SLCO5A1: variants seen among roughly 807,000 people sequenced by gnomAD.
The protein encoded by SLCO5A1 is solute carrier organic anion transporter family member 5A1, also known as organic anion transporter polypeptide-related protein 4.
SLCO5A1 carries 39 observed loss-of-function variants against 65.1 expected under a neutral mutation model. The ratio of observed to expected loss-of-function variants is 0.60; its 90% CI spans 0.46 to 0.78. SLCO5A1 has a LOEUF of 0.78. SLCO5A1 is among the 30% of genes least tolerant of loss of function. The probability of loss-of-function intolerance (pLI) is 0.00; values close to 1 mark genes in which losing one functional copy is unlikely to be tolerated. For synonymous variants in SLCO5A1, 438 were observed against 415.7 expected, an observed-to-expected ratio of 1.05 and a Z score of -0.65; for missense variants, 1,029 against 1,069.4, an observed-to-expected ratio of 0.96 and a Z score of 0.53.
In SLCO5A1 at chr8:69,832,903, G is replaced by T; in HGVS notation, c.-230C>A. On this transcript the variant is annotated 5_prime_UTR_variant, in exon 2 of 10. Coordinates refer to ENST00000260126, the MANE Select transcript of SLCO5A1 (RefSeq NM_030958.3). The surrounding 1 kb of genome is among the most constrained non-coding windows in gnomAD (Gnocchi z 4.5). ...GCAGCCGCGTGCCACAGGGGGCAGG[G>T]GTCCGCGCGGTACTGCGATGAGCCC... 1 of 583,086 alleles carries T rather than the reference G, an allele frequency of 1.7e-6. No individual in the cohort carries two copies. The highest frequency in any genetic ancestry group is 3.0e-6 in the Non-Finnish European group (1 of 332,822). The allele number at this position is 583,086 out of a possible 1,614,324, so 36.1% of individuals were successfully genotyped here.
intron 2 of SLCO5A1, among the ~76,000 whole-genome samples, chr8:69,782,758 C>T (rs777370066): frequency 6.6e-6 from 1 of 152,060 alleles, no homozygotes; most frequent in African/African-American, 2.4e-5. Flanking sequence ...AAGGTGTAGT[C>T]GTCTACAGTC....
chr8:69,825,914 A>G (rs1380333405), intron 2 of SLCO5A1, among the ~76,000 whole-genome samples: 4 of 152,222 alleles, frequency 2.6e-5, no homozygotes, highest in Non-Finnish European at 5.9e-5. Context: ...ACAGCATGGT[A>G]CTGGTACCAA....
intron 6 of SLCO5A1, among the ~76,000 whole-genome samples, chr8:69,696,345 G>A (rs1341746435): frequency 1.3e-5 from 2 of 152,214 alleles, no homozygotes; most frequent in South Asian, 2.1e-4. Context: ...AGGCCGCCTT[G>A]GAGAAAGAGG....
intron 5 of SLCO5A1, among the ~76,000 whole-genome samples, chr8:69,707,862 C>T (rs1815045526): frequency 6.6e-6 from 1 of 152,118 alleles, no homozygotes; most frequent in South Asian, 2.1e-4. Flanking sequence ...GTGTGCGGAG[C>T]AGCTCAATGG....
chr8:69,726,743 T>G (rs1234003555), intron 5 of SLCO5A1, among the ~76,000 whole-genome samples: 1 of 152,176 alleles, frequency 6.6e-6, no homozygotes, highest in East Asian at 1.9e-4. Context: ...ACAAGTGATC[T>G]GCCCGCCTTG....
chr8:69,696,807 T>C lies in SLCO5A1; in HGVS notation c.1622+8224A>G, dbSNP rs1190535337. Reference sequence around the variant, plus strand: ...AGTTAAAAGAAAGATCCTAATTATATGTGCAGAGAGATCTGAGAAGACATT... The same window carrying C: ...AGTTAAAAGAAAGATCCTAATTATACGTGCAGAGAGATCTGAGAAGACATT... On this transcript the variant is annotated intron_variant, in intron 6 of 9. Transcript: ENST00000260126. 4.6e-5 allele frequency among the ~76,000 whole-genome samples: 7 copies of C among 152,222 alleles called. No individual in the cohort carries two copies. The East Asian group carries it at 1.2e-3, about 25-fold the overall frequency.
chr8:69,751,214 T>C, intron 4 of SLCO5A1, among the ~76,000 whole-genome samples: 1 of 152,240 alleles, frequency 6.6e-6, no homozygotes, highest in East Asian at 1.9e-4. Context: ...CAGTTAAATT[T>C]GGAATGCTTT....
chr8:69,677,040 G>C (rs1179693307), intron 8 of SLCO5A1, among the ~76,000 whole-genome samples: 1 of 151,342 alleles, frequency 6.6e-6, no homozygotes. Flanking sequence ...TTTTGTTTTT[G>C]TTTTTGTTTT....
At chr8:69,767,334 C>T (rs1201464878) in intron 2 of SLCO5A1, among the ~76,000 whole-genome samples, 1 of 152,190 alleles carries the variant, frequency 6.6e-6, no homozygotes, top group Non-Finnish European at 1.5e-5. Flanking sequence ...TTTCAAGAAA[C>T]TCTGCATCCT....
At chr8:69,675,209 T>C (rs1813500358) in intron 9 of SLCO5A1, among the ~76,000 whole-genome samples, 1 of 151,576 alleles carries the variant, frequency 6.6e-6, no homozygotes, top group Non-Finnish European at 1.5e-5. Context: ...AGTTCTGCTC[T>C]TGTTGCCCAG....
In SLCO5A1 at chr8:69,672,627, A is replaced by G; in HGVS notation, c.*242T>C. 7.5e-6 allele frequency: 4 copies of G among 533,074 alleles called. No individual in the cohort carries two copies. The highest frequency in any genetic ancestry group is 9.9e-6 in the Non-Finnish European group (3 of 301,804). The allele number at this position is 533,074 out of a possible 1,614,324, so 33.0% of individuals were successfully genotyped here. ...GGGAGCATGAGCTTTGAATTAACAC[A>G]ACGGAAATGGGAACAAATCTAGCTG... On this transcript the variant is annotated 3_prime_UTR_variant, in exon 10 of 10. Transcript: ENST00000260126.
At chr8:69,684,081 G>GTTTTTCATTCATGTCGCTCCA in intron 6 of SLCO5A1, among the ~76,000 whole-genome samples, 1 of 152,128 alleles carries the variant, frequency 6.6e-6, no homozygotes, top group African/African-American at 2.4e-5. Flanking sequence ...AATAAATTCT[G>GTTTTTCATTCATGTCGCTCCA]TTTTTCATTC....
chr8:69,832,665 T>A lies in SLCO5A1; in HGVS notation c.9A>T (p.Glu3Asp). ...CCGCCCCGGGCTGCAGTCCAGTGCC[T>A]TCGTCCATGGCGCTTAGAATTCAGA... MD[E>D]GTGLQPGAGE... Residue 3 changes from glutamate (E) to aspartate (D), a missense_variant, in exon 2 of 10, where the codon GAA (glutamate) becomes GAT (aspartate). Around this residue, in one of 3 missense-constraint regions of SLCO5A1, gnomAD observed 647 missense variants for 647.5 expected, o/e 1.00. Transcript: ENST00000260126. The surrounding 1 kb of genome is among the most constrained non-coding windows in gnomAD (Gnocchi z 4.5). The A allele has an allele frequency of 1.3e-6, 2 of 1,597,382 alleles. No individual in the cohort carries two copies. Among genetic ancestry groups the A allele is most frequent in the South Asian group, 2.2e-5 (2 of 90,200 alleles).
chr8:69,728,958 C>T (rs1816214259), intron 5 of SLCO5A1, among the ~76,000 whole-genome samples: 1 of 152,100 alleles, frequency 6.6e-6, no homozygotes, highest in African/African-American at 2.4e-5. Context: ...TACCATTTTC[C>T]TGTCAAAGAA....
intron 2 of SLCO5A1, among the ~76,000 whole-genome samples, chr8:69,774,314 C>G (rs140678217): frequency 1.3e-5 from 2 of 152,168 alleles, no homozygotes; most frequent in Non-Finnish European, 2.9e-5. Flanking sequence ...CCAATAGAGT[C>G]CTTGATTTAC....
chr8:69,787,971 CA>C (rs1349172816), intron 2 of SLCO5A1, among the ~76,000 whole-genome samples: 4 of 152,196 alleles, frequency 2.6e-5, no homozygotes, highest in African/African-American at 9.7e-5. Flanking sequence ...AATCATGAAT[CA>C]AACCCAATAT....
chr8:69,765,386 TTA>T (rs371210780), intron 2 of SLCO5A1, among the ~76,000 whole-genome samples: 23 of 149,030 alleles, frequency 1.5e-4, no homozygotes, highest in African/African-American at 2.0e-4. Flanking sequence ...GTATGAGTAT[TTA>T]TATATATATA....
At chr8:69,778,141 T>C (rs1026262840) in intron 2 of SLCO5A1, among the ~76,000 whole-genome samples, 1 of 152,162 alleles carries the variant, frequency 6.6e-6, no homozygotes, top group African/African-American at 2.4e-5. Context: ...GGTTCAGTTC[T>C]ATACGAGGTT....
chr8:69,715,903 C>A (rs1424647314), intron 5 of SLCO5A1, among the ~76,000 whole-genome samples: 3 of 152,070 alleles, frequency 2.0e-5, no homozygotes, highest in East Asian at 1.9e-4. Context: ...CAGAAACATG[C>A]AATCATCACT....
Sources: allele counts gnomAD v4.1 joint callset (sites outside exome capture counted in the v4.1 genomes callset), GRCh38; gene constraint gnomAD v4.1.1; regional missense constraint gnomAD v4.1.1; non-coding constraint Gnocchi (gnomAD v3.1); transcripts MANE v1.5; gene names NCBI Gene and HGNC (gene_info 2026-07-23, HGNC 2026-07-21).